The following ZNF26 variants were observed in gnomAD, a reference collection of about 807,000 sequenced individuals.
ZNF26 encodes epididymis luminal protein 179.
A neutral mutation model predicts 54.9 loss-of-function variants in ZNF26; 32 were observed. The observed-to-expected ratio is 0.58, with a 90% CI of 0.44 to 0.78. The LOEUF (loss-of-function observed/expected upper bound fraction) is 0.78. Ranked by LOEUF, ZNF26 falls within the 30% of genes least tolerant of loss-of-function variation. ZNF26 has a pLI of 0.00. For synonymous variants in ZNF26, 221 were observed against 209.2 expected, an observed-to-expected ratio of 1.06 and a Z score of -0.49; for missense variants, 524 against 634.0, an observed-to-expected ratio of 0.83 and a Z score of 1.86.
chr12:133,012,578 G>GTTTTTTTTTTTTTTTTTTTTTTTTTTT lies in ZNF26; in HGVS notation c.*1102_*1128dup, dbSNP rs1193864973. 4 of 37,668 alleles carry GTTTTTTTTTTTTTTTTTTTTTTTTTTT rather than the reference G, an allele frequency of 1.1e-4. 1 individual carries two copies. The highest frequency in any genetic ancestry group is 3.2e-4 in the African/African-American group (3 of 9,486). The allele number at this position is 37,668 out of a possible 1,614,324, so 2.3% of individuals were successfully genotyped here. ...ATGTCTTTTGCTTTTTGTTGTTTGG[G>GTTTTTTTTTTTTTTTTTTTTTTTTTTT]TTTTTTTTTTTTTTTTTTTTTTTTT... On this transcript the variant is annotated 3_prime_UTR_variant, in exon 4 of 4. Coordinates refer to ENST00000328654, the MANE Select transcript of ZNF26 (RefSeq NM_019591.4).
rs1593623903 is a variant in ZNF26, at chr12:132,986,516, A to G, written c.-325A>G. 4.4e-6 allele frequency: 2 copies of G among 451,990 alleles called. No individual in the cohort carries two copies. 28.0% of individuals were successfully genotyped at this position (451,990 alleles called of 1,614,324 possible). A position where few individuals can be genotyped will look rare whatever the true frequency, so the allele number is the denominator to read the frequency against. ...GCTCGGATTATCCTGGGCAGACCAGAGACTTGACCAGCTAAACACTTCCGT... is the reference window on the plus strand; with the variant it reads ...GCTCGGATTATCCTGGGCAGACCAGGGACTTGACCAGCTAAACACTTCCGT... On this transcript the variant is annotated 5_prime_UTR_variant, in exon 1 of 4. Coordinates refer to ENST00000328654, the MANE Select transcript of ZNF26 (RefSeq NM_019591.4).
At chr12:132,998,082 C>T (rs1953129351) in intron 1 of ZNF26, among the ~76,000 whole-genome samples, 1 of 151,828 alleles carries the variant, frequency 6.6e-6, no homozygotes, top group Non-Finnish European at 1.5e-5. Context: ...TTATACTTGG[C>T]CTGGTTATTT....
intron 1 of ZNF26, among the ~76,000 whole-genome samples, chr12:132,995,996 A>C (rs1288705249): frequency 6.6e-6 from 1 of 152,136 alleles, no homozygotes; most frequent in Non-Finnish European, 1.5e-5. Flanking sequence ...TTTCTCTGTC[A>C]TGCAGTAGGG....
chr12:132,987,392 A>G lies in ZNF26; in HGVS notation c.33+519A>G, dbSNP rs896547673. On this transcript the variant is annotated intron_variant, in intron 1 of 3. Coordinates refer to ENST00000328654, the MANE Select transcript of ZNF26 (RefSeq NM_019591.4). ...AATTACAGGTGAATGAATAGGGAGA[A>G]AAGGCTAGGAGCGGAGCTCGAGAGT... Among the ~76,000 whole-genome samples, 174 of 152,320 alleles carry G rather than the reference A, an allele frequency of 1.1e-3. 1 individual carries two copies. Among genetic ancestry groups the G allele is most frequent in the African/African-American group, 4.0e-3 (167 of 41,574 alleles).
intron 1 of ZNF26, among the ~76,000 whole-genome samples, chr12:132,991,161 C>T (rs1007976464): frequency 3.3e-5 from 5 of 151,494 alleles, no homozygotes; most frequent in African/African-American, 1.2e-4. Context: ...GCCCAGCCTC[C>T]ATTACTATTT....
chr12:133,000,667 GC>G (rs1953195946), intron 1 of ZNF26, among the ~76,000 whole-genome samples: 1 of 151,776 alleles, frequency 6.6e-6, no homozygotes, highest in Non-Finnish European at 1.5e-5. Context: ...CTCGTGATCC[GC>G]CCACCTTGGC....
At chr12:132,991,929 T>C (rs918251848) in intron 1 of ZNF26, among the ~76,000 whole-genome samples, 2 of 151,794 alleles carry the variant, frequency 1.3e-5, no homozygotes, top group Admixed American at 6.6e-5. Flanking sequence ...CGGCGGGTCA[T>C]TTGAGGTCAG....
chr12:133,008,617 A>G (rs1350830088), intron 3 of ZNF26, among the ~76,000 whole-genome samples: 2 of 152,048 alleles, frequency 1.3e-5, no homozygotes, highest in Non-Finnish European at 2.9e-5. Context: ...TCTACTAAAA[A>G]TACAAAAAAT....
At chr12:132,995,799 C>T (rs1233019728) in intron 1 of ZNF26, among the ~76,000 whole-genome samples, 2 of 152,036 alleles carry the variant, frequency 1.3e-5, no homozygotes, top group Non-Finnish European at 2.9e-5. Flanking sequence ...TTACAGTTGC[C>T]CACCACCATG....
intron 1 of ZNF26, among the ~76,000 whole-genome samples, chr12:132,998,285 G>A (rs904593669): frequency 2.0e-4 from 31 of 151,918 alleles, no homozygotes; most frequent in Non-Finnish European, 3.8e-4. Context: ...TCCTGCCTCA[G>A]CCTCCTGAGT....
intron 1 of ZNF26, among the ~76,000 whole-genome samples, chr12:132,988,340 G>A (rs755588225): frequency 4.0e-4 from 60 of 151,480 alleles, no homozygotes; most frequent in Non-Finnish European, 7.1e-4. Flanking sequence ...GGGCTCAAGG[G>A]ATCCTCCACC....
At chr12:132,997,019 C>A (rs1953100279) in intron 1 of ZNF26, among the ~76,000 whole-genome samples, 1 of 152,200 alleles carries the variant, frequency 6.6e-6, no homozygotes, top group African/African-American at 2.4e-5. Context: ...ACCATTACCC[C>A]CAGACCCAGT....
rs1953594171 is a variant in ZNF26, at chr12:133,018,304, G to C, written c.*6823G>C. On this transcript the variant is annotated 3_prime_UTR_variant, in exon 4 of 4. Coordinates refer to ENST00000328654, the MANE Select transcript of ZNF26 (RefSeq NM_019591.4). ...TATATAAAGCAATATTTATAGCAATGTGTTGTTGCATTTGTAACATAGATA... is the reference window on the plus strand; with the variant it reads ...TATATAAAGCAATATTTATAGCAATCTGTTGTTGCATTTGTAACATAGATA... 6.6e-6 allele frequency: 1 copy of C among 152,160 alleles called. No individual in the cohort carries two copies. Among genetic ancestry groups the C allele is most frequent in the East Asian group, 1.9e-4 (1 of 5,186 alleles). 9.4% of individuals were successfully genotyped at this position (152,160 alleles called of 1,614,324 possible).
In ZNF26 at chr12:133,026,404, G is replaced by A. The variant is rs2137291801; in HGVS notation, c.*14923G>A. The A allele has an allele frequency of 6.6e-6, 1 of 150,660 alleles. No individual in the cohort carries two copies. 9.3% of individuals were successfully genotyped at this position (150,660 alleles called of 1,614,324 possible). A position where few individuals can be genotyped will look rare whatever the true frequency, so the allele number is the denominator to read the frequency against. ...GTAAGCCACTGCGCCTGGCCAATAA[G>A]TCTCTTTTTTTAGGTAATCAAGTTA... On this transcript the variant is annotated 3_prime_UTR_variant, in exon 4 of 4. Transcript: ENST00000328654.
chr12:133,010,067 A>T, intron 3 of ZNF26, 69 bp from the exon 4 acceptor site: 1 of 1,472,782 alleles, frequency 6.8e-7, no homozygotes, highest in Admixed American at 2.2e-5. Context: ...CACAGTCCTA[A>T]TACTGTTTAA....
intron 1 of ZNF26, among the ~76,000 whole-genome samples, chr12:133,003,913 T>C (rs1423116593): frequency 6.6e-6 from 1 of 152,204 alleles, no homozygotes; most frequent in Admixed American, 6.5e-5. Flanking sequence ...AAGAAATGCC[T>C]TTAGTTTAAG....
Position 133,007,454 on chromosome 12 carries a change from C to T in ZNF26, c.178C>T (p.Pro60Ser), listed in dbSNP as rs1953355894. 1 of 1,613,386 alleles carries T rather than the reference C, an allele frequency of 6.2e-7. No homozygotes were observed. Among genetic ancestry groups the T allele is most frequent in the Admixed American group, 1.7e-5 (1 of 59,938 alleles). Residue 60 changes from proline to serine, a missense_variant, in exon 3 of 4, where the codon CCT (proline) becomes TCT (serine). Transcript: ENST00000328654. The stretch of plus-strand genomic sequence containing the variant: ...ATCAACAGGGTATCATGGTACCAAG[C>T]CTGACTTAATCTTCAAGTTGGAACA... ...LISVGYHGTK[P>S]DLIFKLEQGE...
At chr12:132,986,927 G>T in intron 1 of ZNF26, 54 bp downstream of exon 1, 1 of 1,551,050 alleles carries the variant, frequency 6.4e-7, no homozygotes, top group Non-Finnish European at 8.8e-7. Context: ...GGGTGGCCAC[G>T]TTAATCTCTT....
Position 132,986,856 on chromosome 12 carries a change from C to G in ZNF26, c.16C>G (p.Arg6Gly). Reference sequence around the variant, plus strand: ...GGGCGTGGGGATGGCCACCAGTTTCCGGACAGCTTCGTGCTGGGTAAGTAG... The same window carrying G: ...GGGCGTGGGGATGGCCACCAGTTTCGGGACAGCTTCGTGCTGGGTAAGTAG... MATSF[R>G]TASCWGLLSF... Residue 6 changes from arginine to glycine, a missense_variant, in exon 1 of 4, where the codon CGG becomes GGG. Arg to Gly is a moderately radical substitution (Grantham distance 125). Coordinates refer to ENST00000328654, the MANE Select transcript of ZNF26 (RefSeq NM_019591.4). 1 of 1,607,590 alleles carries G rather than the reference C, an allele frequency of 6.2e-7. No individual in the cohort carries two copies. Among genetic ancestry groups the G allele is most frequent in the Non-Finnish European group, 8.5e-7 (1 of 1,177,154 alleles).
Sources: allele counts gnomAD v4.1 joint callset (sites outside exome capture counted in the v4.1 genomes callset), GRCh38; gene constraint gnomAD v4.1.1; transcripts MANE v1.5; gene names NCBI Gene and HGNC (gene_info 2026-07-23, HGNC 2026-07-21).